FAT4: variants seen among roughly 807,000 people sequenced by gnomAD.
The protein encoded by FAT4 is protocadherin Fat 4.
A neutral mutation model predicts 303.9 loss-of-function variants in FAT4; 84 were observed. The observed-to-expected ratio is 0.28, with a 90% CI of 0.23 to 0.33. The LOEUF is 0.33. FAT4 is among the 10% of genes least tolerant of loss of function. The probability of loss-of-function intolerance (pLI) is 1.00; values close to 1 mark genes in which losing one functional copy is unlikely to be tolerated. For missense variants in FAT4, 6,005 were observed against 6,146.8 expected (o/e 0.98, Z 0.77); for synonymous variants, 2,307 against 2,298.8 (o/e 1.00, Z -0.10).
At chr4:125,384,929 AT>A (rs34049389) in intron 2 of FAT4, among the ~76,000 whole-genome samples, 1 of 150,460 alleles carries the variant, frequency 6.6e-6, no homozygotes, top group Non-Finnish European at 1.5e-5. Context: ...TAACAAAATA[AT>A]TTTTACTAAG....
Position 125,481,505 on chromosome 4 carries a change from T to A in FAT4, c.12605-16T>A, listed in dbSNP as rs1374368671. On this transcript the variant is annotated splice_polypyrimidine_tract_variant and intron_variant, in intron 15 of 17. Coordinates refer to ENST00000394329, the MANE Select transcript of FAT4 (RefSeq NM_001291303.3). ...AATGAATGCATTCATTTTCCCTTTT[T>A]TCCTTTGACTTCCAGCTGTTACTCC... 6.2e-7 allele frequency: 1 copy of A among 1,612,422 alleles called. No individual in the cohort carries two copies. Among genetic ancestry groups the A allele is most frequent in the East Asian group, 2.2e-5 (1 of 44,860 alleles).
At chr4:125,483,877 A>G (rs1727311157) in intron 16 of FAT4, among the ~76,000 whole-genome samples, 1 of 150,144 alleles carries the variant, frequency 6.7e-6, no homozygotes, top group Admixed American at 6.6e-5. Context: ...CTAGGAAGCT[A>G]GTTAGGATGG....
chr4:125,421,057 A>G (rs1165480280), intron 7 of FAT4, among the ~76,000 whole-genome samples: 1 of 152,064 alleles, frequency 6.6e-6, no homozygotes, highest in Non-Finnish European at 1.5e-5. Context: ...CAGCCTCCCA[A>G]GTAACTGGGA....
chr4:125,455,909 AC>A (rs1226515659), intron 10 of FAT4, among the ~76,000 whole-genome samples: 34 of 152,200 alleles, frequency 2.2e-4, no homozygotes, highest in Non-Finnish European at 4.4e-4. Context: ...AAATCTTCAA[AC>A]TGGCTAAGAA....
In FAT4 at chr4:125,316,435, T is replaced by C. The variant is rs1227767047; in HGVS notation, c.24T>C (p.Ala8=). The C allele has an allele frequency of 2.5e-6, 4 of 1,612,862 alleles. No individual in the cohort carries two copies. Among genetic ancestry groups the C allele is most frequent in the Non-Finnish European group, 3.4e-6 (4 of 1,179,288 alleles). Residue 8 remains alanine (A), a synonymous_variant, in exon 2 of 18, where the codon GCT becomes GCC. Transcript: ENST00000394329. The surrounding 1 kb of genome is among the most constrained non-coding windows in gnomAD (Gnocchi z 5.7). ...CCATGGACTTAGCACCAGACAGGGC[T>C]ACTGGCCGCCCGTGGCTCCCGTTGC... MDLAPDR[A]TGRPWLPLHT...
In FAT4 at chr4:125,320,768, G is replaced by T; in HGVS notation, c.4357G>T (p.Gly1453Cys). 1.2e-6 allele frequency: 2 copies of T among 1,614,066 alleles called. No individual in the cohort carries two copies. Among genetic ancestry groups the T allele is most frequent in the East Asian group, 2.2e-5 (1 of 44,874 alleles). Reference protein sequence around the residue: ...TAHDPDADINGQLSYTIIQQM... With the variant: ...TAHDPDADINCQLSYTIIQQM... ...ACATGACCCTGATGCAGACATTAAT[G>T]GTCAACTATCCTACACAATCATTCA... is the stretch of plus-strand genomic sequence containing the variant. Residue 1453 changes from glycine (G) to cysteine (C), a missense_variant, in exon 2 of 18, where the codon GGT (glycine) becomes TGT (cysteine). Physicochemically the swap from Gly to Cys is radical, Grantham distance 159 (BLOSUM62 -3). Transcript: ENST00000394329.
chr4:125,351,182 T>C (rs547122649), intron 2 of FAT4, among the ~76,000 whole-genome samples: 2 of 151,874 alleles, frequency 1.3e-5, no homozygotes, highest in East Asian at 3.9e-4. Context: ...TCAAATGCAA[T>C]TGATCATATG....
intron 7 of FAT4, among the ~76,000 whole-genome samples, chr4:125,433,652 A>C (rs1185416274): frequency 6.6e-6 from 1 of 152,252 alleles, no homozygotes; most frequent in Non-Finnish European, 1.5e-5. Flanking sequence ...GAAGCAGCAC[A>C]CATGATTCTG....
intron 2 of FAT4, among the ~76,000 whole-genome samples, chr4:125,388,434 G>A (rs761696807): frequency 6.6e-6 from 1 of 151,986 alleles, no homozygotes; most frequent in Non-Finnish European, 1.5e-5. Flanking sequence ...GGCATTTTTT[G>A]TTTGTTTGTT....
At chr4:125,469,987 G>A (rs68031816) in intron 12 of FAT4, among the ~76,000 whole-genome samples, 52,838 of 151,954 alleles carry the variant, frequency 0.35, 9,580 homozygotes, top group East Asian at 0.58. Context: ...TTAAATAATA[G>A]GACTTGAAAG....
chr4:125,407,133 C>T lies in FAT4; in HGVS notation c.5561C>T (p.Thr1854Ile). The T allele has an allele frequency of 1.2e-6, 2 of 1,610,496 alleles. No homozygotes were observed. Among genetic ancestry groups the T allele is most frequent in the Non-Finnish European group, 1.7e-6 (2 of 1,177,022 alleles). The change falls in exon 4 of 18, where the codon ACA becomes ATA. Residue 1854 changes from threonine to isoleucine, a missense_variant. Coordinates refer to ENST00000394329, the MANE Select transcript of FAT4 (RefSeq NM_001291303.3). ...PVYSFDIPED[T>I]IPGSLVAAIL... The stretch of plus-strand genomic sequence containing the variant: ...TACTCTTTTGACATTCCTGAGGACA[C>T]AATCCCTGGTAGGTGATGGGTCTCT...
At chr4:125,460,088 A>G (rs1381413887) in intron 10 of FAT4, among the ~76,000 whole-genome samples, 2 of 152,002 alleles carry the variant, frequency 1.3e-5, no homozygotes, top group South Asian at 2.1e-4. Flanking sequence ...TTTTCCTACT[A>G]TGTCTTTGAA....
At position 125,414,997 on chromosome 4, in the gene FAT4, T is replaced by C; in HGVS notation, c.6034T>C (p.Ser2012Pro). 6.2e-7 allele frequency: 1 copy of C among 1,614,042 alleles called. No individual in the cohort carries two copies. Among genetic ancestry groups the C allele is most frequent in the African/African-American group, 1.3e-5 (1 of 75,038 alleles). Reference protein sequence around the residue: ...VLKALDRESQSFYNLVVQVHD... With the variant: ...VLKALDRESQPFYNLVVQVHD... ...AAAAGCTTTGGATCGGGAAAGTCAG[T>C]CCTTCTACAACTTGGTTGTTCAAGT... is the stretch of plus-strand genomic sequence containing the variant. The change falls in exon 6 of 18, where the codon TCC becomes CCC. Residue 2012 changes from serine to proline, a missense_variant. Ser to Pro is a moderately conservative substitution (Grantham distance 74). Transcript: ENST00000394329.
chr4:125,468,385 A>AT, intron 11 of FAT4, 127 bp from the exon 12 acceptor site: 2 of 580,584 alleles, frequency 3.4e-6, no homozygotes, highest in Non-Finnish European at 5.3e-6. Flanking sequence ...TTTAGATGAA[A>AT]TTTTTTGGAA....
rs565942429 is a variant in FAT4 at position 125,435,027 on chromosome 4, T to C, written c.7199+602T>C. Among the ~76,000 whole-genome samples, 7 of 152,336 alleles carry C rather than the reference T, an allele frequency of 4.6e-5. No individual in the cohort carries two copies. The East Asian group carries it at 1.3e-3, about 29-fold the overall frequency. ...AGTGGTGACCAGCTCAGATTCACTG[T>C]GAGGAGAAACATGCATCACTCGTTG... On this transcript the variant is annotated intron_variant, in intron 8 of 17. Coordinates refer to ENST00000394329, the MANE Select transcript of FAT4 (RefSeq NM_001291303.3).
Position 125,450,903 on chromosome 4 carries a change from C to T in FAT4, c.9893C>T (p.Pro3298Leu). Residue 3298 changes from proline (P) to leucine (L), a missense_variant, in exon 10 of 18, where the codon CCC (proline) becomes CTC (leucine). Transcript: ENST00000394329. ...TTAAAAGGGACAAATGAATATGTGC[C>T]CCGTTTTGTTTCCAAACTTTACTAT... ...IQLKGTNEYV[P>L]RFVSKLYYFE... 6.2e-7 allele frequency: 1 copy of T among 1,614,076 alleles called. No homozygotes were observed. Among genetic ancestry groups the T allele is most frequent in the Non-Finnish European group, 8.5e-7 (1 of 1,180,000 alleles).
In FAT4 at chr4:125,448,966, C is replaced by T. The variant is rs749795731; in HGVS notation, c.7956C>T (p.Ser2652=). 3 of 1,613,648 alleles carry T rather than the reference C, an allele frequency of 1.9e-6. No individual in the cohort carries two copies. Among genetic ancestry groups the T allele is most frequent in the East Asian group, 4.5e-5 (2 of 44,872 alleles). The part of the protein sequence containing the change: ...EARDGGFPPF[S]SYEKLDITVL... ...GAGACGGTGGTTTCCCTCCTTTCTC[C>T]TCTTACGAGAAACTTGATATAACAG... Residue 2652 remains serine (S), a synonymous_variant, in exon 10 of 18, where the codon TCC becomes TCT. Transcript: ENST00000394329.
At position 125,452,675 on chromosome 4, in the gene FAT4, A is replaced by G. The variant is rs1389254059; in HGVS notation, c.11665A>G (p.Ser3889Gly). 3 of 1,614,034 alleles carry G rather than the reference A, an allele frequency of 1.9e-6. No homozygotes were observed. The African/African-American group carries it at 4.0e-5, about 22-fold the overall frequency. The change falls in exon 10 of 18, where the codon AGC becomes GGC. Residue 3889 changes from serine (S) to glycine (G), a missense_variant. Ser to Gly is a moderately conservative substitution (Grantham distance 56, BLOSUM62 0). Transcript: ENST00000394329. ...CHNLVGGFSC[S>G]CPDGFTGRAC... ...CAATTTAGTGGGAGGATTTTCATGC[A>G]GCTGCCCAGATGGCTTCACTGGTAG...
At chr4:125,414,787 A>C in intron 5 of FAT4, 97 bp from the exon 6 acceptor site, 1 of 750,676 alleles carries the variant, frequency 1.3e-6, no homozygotes, top group Non-Finnish European at 2.2e-6. Context: ...GATGCACGGC[A>C]TATCAAACAT....
Sources: allele counts gnomAD v4.1 joint callset (sites outside exome capture counted in the v4.1 genomes callset), GRCh38; gene constraint gnomAD v4.1.1; non-coding constraint Gnocchi (gnomAD v3.1); transcripts MANE v1.5; gene names NCBI Gene and HGNC (gene_info 2026-07-23, HGNC 2026-07-21).